ANKFN1: variants seen among roughly 807,000 people sequenced by gnomAD.
ANKFN1 encodes the protein ankyrin repeat and fibronectin type III domain containing 1, also known as ankyrin repeat and fibronectin type-III domain-containing protein 1.
A neutral mutation model predicts 108.7 loss-of-function variants in ANKFN1; 74 were observed. That is an observed-to-expected ratio of 0.68 (90% CI 0.56 to 0.83). ANKFN1 has a LOEUF of 0.83. Ranked by LOEUF, ANKFN1 falls within the 40% of genes least tolerant of loss-of-function variation. The pLI, the probability that ANKFN1 is intolerant of heterozygous loss-of-function variation, is 0.00. For missense variants in ANKFN1, 1,505 were observed against 1,382.3 expected, an observed-to-expected ratio of 1.09 and a Z score of -1.41; for synonymous variants, 547 against 516.2, an observed-to-expected ratio of 1.06 and a Z score of -0.81.
At chr17:56,508,465 T>A (rs1248211602) in intron 20 of ANKFN1, among the ~76,000 whole-genome samples, 4 of 152,210 alleles carry the variant, frequency 2.6e-5, no homozygotes, top group African/African-American at 2.4e-5. Context: ...CCCCCCACAA[T>A]TTTAACATTT....
chr17:56,101,367 A>G (rs1905643525), intron 4 of ANKFN1, among the ~76,000 whole-genome samples: 1 of 152,198 alleles, frequency 6.6e-6, no homozygotes, highest in Admixed American at 6.5e-5. Flanking sequence ...CTCAAGCTAA[A>G]TCACATACTG....
intron 3 of ANKFN1, 69 bp from the exon 4 acceptor site, chr17:56,326,152 G>T (rs1295336596): frequency 6.6e-7 from 1 of 1,516,022 alleles, no homozygotes; most frequent in Admixed American, 2.3e-5. Context: ...TGCATTAAGA[G>T]TATCTTCATG....
intron 3 of ANKFN1, among the ~76,000 whole-genome samples, chr17:56,322,292 T>C (rs2045393756): frequency 1.3e-5 from 2 of 152,166 alleles, no homozygotes; most frequent in Admixed American, 6.5e-5. Flanking sequence ...CCCCCACCTA[T>C]ACTATTGACA....
intron 1 of ANKFN1, chr17:56,156,692 G>C (rs1295027740): frequency 6.6e-6 from 1 of 152,248 alleles, no homozygotes; most frequent in Non-Finnish European, 1.5e-5. Context: ...GGTCAGGGCT[G>C]TGTCTAGGGG....
intron 8 of ANKFN1, among the ~76,000 whole-genome samples, chr17:56,375,608 A>G (rs2046926690): frequency 6.6e-6 from 1 of 152,142 alleles, no homozygotes; most frequent in African/African-American, 2.4e-5. Context: ...TGTATGATTT[A>G]TTGAGAGAAA....
intron 4 of ANKFN1, among the ~76,000 whole-genome samples, chr17:56,100,736 C>G (rs1421785624): frequency 6.6e-6 from 1 of 152,172 alleles, no homozygotes; most frequent in Non-Finnish European, 1.5e-5. Flanking sequence ...AGCCTTAGAC[C>G]TGAGCATCCT....
At chr17:56,385,373 G>A (rs1361968749) in intron 8 of ANKFN1, among the ~76,000 whole-genome samples, 1 of 152,184 alleles carries the variant, frequency 6.6e-6, no homozygotes, top group Non-Finnish European at 1.5e-5. Context: ...AACCCTAGAA[G>A]AAAGCCTAGG....
intron 1 of ANKFN1, among the ~76,000 whole-genome samples, chr17:56,185,935 AT>A (rs1912156894): frequency 6.6e-6 from 1 of 150,544 alleles, no homozygotes; most frequent in Non-Finnish European, 1.5e-5. Flanking sequence ...GAAAAAAAAA[AT>A]AAGAAAAAGC....
At chr17:56,170,641 T>C (rs1250870428) in intron 1 of ANKFN1, among the ~76,000 whole-genome samples, 2 of 150,712 alleles carry the variant, frequency 1.3e-5, no homozygotes, top group African/African-American at 2.4e-5. Flanking sequence ...CGCGTGCCCA[T>C]AGTCTCAGCC....
chr17:56,329,085 TA>T, intron 4 of ANKFN1, among the ~76,000 whole-genome samples: 1 of 152,090 alleles, frequency 6.6e-6, no homozygotes, highest in Non-Finnish European at 1.5e-5. Flanking sequence ...AGCAATTCTC[TA>T]AAAAAGCAAA....
Position 56,391,564 on chromosome 17 carries a change from T to A in ANKFN1, c.910+16850T>A, listed in dbSNP as rs552860263. Among the ~76,000 whole-genome samples, 18 of 151,878 alleles carry A rather than the reference T, an allele frequency of 1.2e-4. No individual in the cohort carries two copies. The East Asian group carries it at 2.1e-3, about 18-fold the overall frequency. ...GCCTCAGCCTCTGGAGTAGCTGGGA[T>A]TACAGGCATGTGCCACCATGCCCTG... On this transcript the variant is annotated intron_variant, in intron 8 of 20. Transcript: ENST00000682825.
intron 4 of ANKFN1, among the ~76,000 whole-genome samples, chr17:56,129,666 T>A (rs1907160801): frequency 1.3e-5 from 2 of 152,236 alleles, no homozygotes; most frequent in Non-Finnish European, 2.9e-5. Context: ...AGGTTCATAT[T>A]ATTTTAAATG....
chr17:56,090,910 G>T (rs900607119), intron 4 of ANKFN1, among the ~76,000 whole-genome samples: 1 of 151,152 alleles, frequency 6.6e-6, no homozygotes, highest in East Asian at 1.9e-4. Flanking sequence ...GCCTGGCTAG[G>T]CGTTTGCTTT....
intron 8 of ANKFN1, among the ~76,000 whole-genome samples, chr17:56,420,594 A>G (rs889738076): frequency 1.4e-4 from 21 of 151,784 alleles, no homozygotes; most frequent in African/African-American, 5.1e-4. Context: ...ATATATGAGA[A>G]CCCATAATTA....
chr17:56,467,004 C>A (rs574282721), intron 15 of ANKFN1, among the ~76,000 whole-genome samples: 125 of 152,150 alleles, frequency 8.2e-4, no homozygotes, highest in Non-Finnish European at 1.6e-3. Flanking sequence ...ATAATCTCAG[C>A]TGCTTGGGGG....
chr17:56,329,178 T>G (rs957609547), intron 4 of ANKFN1, among the ~76,000 whole-genome samples: 3 of 152,144 alleles, frequency 2.0e-5, no homozygotes, highest in Admixed American at 6.6e-5. Context: ...GGCATGCAAG[T>G]TCTTTGGTGG....
intron 4 of ANKFN1, among the ~76,000 whole-genome samples, chr17:56,055,415 TG>T (rs1904849454): frequency 6.8e-6 from 1 of 148,018 alleles, no homozygotes; most frequent in Admixed American, 6.8e-5. Flanking sequence ...CATTCTGTTT[TG>T]TGGTTGTATA....
chr17:56,069,310 T>A (rs1409359055), intron 4 of ANKFN1, among the ~76,000 whole-genome samples: 1 of 152,108 alleles, frequency 6.6e-6, no homozygotes, highest in Non-Finnish European at 1.5e-5. Flanking sequence ...TCTAAAGTGA[T>A]GGGGATGGAG....
intron 4 of ANKFN1, among the ~76,000 whole-genome samples, chr17:56,140,029 T>A (rs1239063289): frequency 1.3e-5 from 2 of 152,208 alleles, no homozygotes; most frequent in South Asian, 2.1e-4. Flanking sequence ...TTGACCACTT[T>A]CCTAAGTTCA....
Sources: allele counts gnomAD v4.1 joint callset (sites outside exome capture counted in the v4.1 genomes callset), GRCh38; gene constraint gnomAD v4.1.1; transcripts MANE v1.5; gene names NCBI Gene and HGNC (gene_info 2026-07-23, HGNC 2026-07-21).